Variants in RBFOX1 observed in about 807,000 individuals in gnomAD.
RBFOX1 encodes the protein RNA binding fox-1 homolog 1.
A neutral mutation model predicts 57.7 loss-of-function variants in RBFOX1; 8 were observed. That is an observed-to-expected ratio of 0.14 (90% CI 0.08 to 0.25). The LOEUF (loss-of-function observed/expected upper bound fraction) is 0.25. RBFOX1 is among the 10% of genes least tolerant of loss of function. RBFOX1 has a pLI of 1.00. For synonymous variants in RBFOX1, 326 were observed against 222.4 expected, an observed-to-expected ratio of 1.47 and a Z score of -4.15; for missense variants, 611 against 548.5, an observed-to-expected ratio of 1.11 and a Z score of -1.14.
At chr16:6,752,775 T>C (rs2075158209) in intron 3 of RBFOX1, among the ~76,000 whole-genome samples, 1 of 151,600 alleles carries the variant, frequency 6.6e-6, no homozygotes, top group Admixed American at 6.6e-5. Flanking sequence ...CTTCCATCCT[T>C]TCCTGCTGGT....
intron 3 of RBFOX1, among the ~76,000 whole-genome samples, chr16:6,827,667 G>A (rs771610176): frequency 1.8e-4 from 27 of 152,074 alleles, no homozygotes; most frequent in Non-Finnish European, 2.8e-4. Context: ...ACCCTTTTGA[G>A]GTCTCTTCTG....
chr16:6,183,609 G>A (rs561475540), intron 1 of RBFOX1, among the ~76,000 whole-genome samples: 1 of 152,240 alleles, frequency 6.6e-6, no homozygotes, highest in East Asian at 1.9e-4. Flanking sequence ...TCTCTGATGT[G>A]TAACATTTGT....
At chr16:7,681,960 T>C (rs536322040) in intron 14 of RBFOX1, among the ~76,000 whole-genome samples, 29 of 152,254 alleles carry the variant, frequency 1.9e-4, no homozygotes, top group Middle Eastern at 6.8e-3. Flanking sequence ...TAGTGCCGTA[T>C]TGAAAGCAGT....
At chr16:6,953,144 C>G (rs778836704) in intron 3 of RBFOX1, among the ~76,000 whole-genome samples, 53 of 152,212 alleles carry the variant, frequency 3.5e-4, no homozygotes, top group Non-Finnish European at 6.3e-4. Context: ...ATGTATGCCT[C>G]TTTCCACTGA....
chr16:6,617,695 G>T (rs985238127), intron 2 of RBFOX1, among the ~76,000 whole-genome samples: 1 of 152,142 alleles, frequency 6.6e-6, no homozygotes, highest in Admixed American at 6.5e-5. Context: ...GTCTTGTGGA[G>T]GGAAGGTGGG....
chr16:5,605,899 C>G (rs1300891076), intron 3 of RBFOX1, among the ~76,000 whole-genome samples: 1 of 152,156 alleles, frequency 6.6e-6, no homozygotes, highest in Non-Finnish European at 1.5e-5. Context: ...CTCCAGGTGT[C>G]TCATAGAGAC....
At chr16:6,834,554 T>C (rs1015062575) in intron 3 of RBFOX1, among the ~76,000 whole-genome samples, 2 of 152,082 alleles carry the variant, frequency 1.3e-5, no homozygotes, top group African/African-American at 4.8e-5. Flanking sequence ...ACAGGAGATA[T>C]CAGTAAGTGA....
chr16:7,619,796 C>G (rs2059028445), intron 10 of RBFOX1, among the ~76,000 whole-genome samples: 1 of 151,944 alleles, frequency 6.6e-6, no homozygotes, highest in Non-Finnish European at 1.5e-5. Flanking sequence ...AGATTGCAAA[C>G]TAAAATGTTT....
At chr16:5,500,515 C>A (rs537323672) in intron 2 of RBFOX1, among the ~76,000 whole-genome samples, 1 of 152,302 alleles carries the variant, frequency 6.6e-6, no homozygotes, top group South Asian at 2.1e-4. Flanking sequence ...AGCCATCATG[C>A]CTGGCCGAGT....
intron 1 of RBFOX1, among the ~76,000 whole-genome samples, chr16:5,315,294 A>T (rs1381551698): frequency 2.0e-5 from 3 of 152,192 alleles, no homozygotes; most frequent in African/African-American, 7.2e-5. Flanking sequence ...TCTTAAGTCA[A>T]AATTAGCATT....
intron 9 of RBFOX1, among the ~76,000 whole-genome samples, chr16:7,601,644 C>G (rs1484861257): frequency 6.6e-6 from 1 of 152,086 alleles, no homozygotes; most frequent in Non-Finnish European, 1.5e-5. Context: ...CCACCACCAC[C>G]ACGAATTAAC....
At chr16:6,107,595 G>A (rs2096396704) in intron 1 of RBFOX1, among the ~76,000 whole-genome samples, 2 of 151,976 alleles carry the variant, frequency 1.3e-5, no homozygotes, top group African/African-American at 4.8e-5. Flanking sequence ...ATACATGTAT[G>A]GATGCACGGA....
chr16:6,334,705 G>T (rs151006667), intron 2 of RBFOX1, among the ~76,000 whole-genome samples: 3 of 152,060 alleles, frequency 2.0e-5, no homozygotes, highest in Non-Finnish European at 2.9e-5. Context: ...GTTCTCATTC[G>T]CAGAGGATCC....
At chr16:6,681,894 C>G (rs916712272) in intron 3 of RBFOX1, among the ~76,000 whole-genome samples, 1 of 152,136 alleles carries the variant, frequency 6.6e-6, no homozygotes, top group African/African-American at 2.4e-5. Context: ...TTCTGCTATT[C>G]TCCAGGAATA....
chr16:6,118,889 TA>T (rs1276404757), intron 1 of RBFOX1, among the ~76,000 whole-genome samples: 1 of 151,988 alleles, frequency 6.6e-6, no homozygotes, highest in Non-Finnish European at 1.5e-5. Flanking sequence ...TCCCATGACC[TA>T]ATCATCTCCC....
chr16:5,450,626 C>G (rs945015205), intron 1 of RBFOX1, among the ~76,000 whole-genome samples: 1 of 152,120 alleles, frequency 6.6e-6, no homozygotes, highest in Non-Finnish European at 1.5e-5. Context: ...ACAGGGGGAT[C>G]TCAGTGCCAA....
chr16:6,873,703 C>T, intron 3 of RBFOX1, among the ~76,000 whole-genome samples: 1 of 152,204 alleles, frequency 6.6e-6, no homozygotes, highest in African/African-American at 2.4e-5. Flanking sequence ...ATGATTGTCA[C>T]TGTCACTATC....
intron 2 of RBFOX1, among the ~76,000 whole-genome samples, chr16:6,474,508 C>A (rs566081219): frequency 2.2e-4 from 33 of 152,272 alleles, no homozygotes; most frequent in African/African-American, 7.9e-4. Flanking sequence ...ACAAAATGGG[C>A]AGCCACCAGC....
intron 4 of RBFOX1, among the ~76,000 whole-genome samples, chr16:7,124,911 C>A (rs2068104730): frequency 6.6e-6 from 1 of 152,048 alleles, no homozygotes; most frequent in Non-Finnish European, 1.5e-5. Context: ...GCGTTATGAG[C>A]TAATTAAAAT....
Sources: gnomAD v4.1 joint callset for allele counts (sites outside exome capture counted in the v4.1 genomes callset) on GRCh38, gnomAD v4.1.1 for gene constraint, MANE v1.5 for transcripts, NCBI Gene and HGNC (gene_info 2026-07-23, HGNC 2026-07-21) for gene names.